PDZRN4: variants seen among roughly 807,000 people sequenced by gnomAD.
PDZRN4 encodes the protein PDZ domain containing ring finger 4, also known as PDZ domain-containing RING finger protein 4.
Under a neutral mutation model 99.0 loss-of-function variants are expected in PDZRN4, and 70 were observed. That is an observed-to-expected ratio of 0.71 (90% confidence interval 0.58 to 0.86). The LOEUF is 0.86. Among genes scored for constraint, PDZRN4 ranks in the 40% least tolerant of loss-of-function variants. The probability of loss-of-function intolerance (pLI) is 0.00; values close to 1 mark genes in which losing one functional copy is unlikely to be tolerated. For synonymous variants in PDZRN4, 551 were observed against 501.6 expected, an observed-to-expected ratio of 1.10 and a Z score of -1.32; for missense variants, 1,474 against 1,331.2, an observed-to-expected ratio of 1.11 and a Z score of -1.67.
intron 3 of PDZRN4, among the ~76,000 whole-genome samples, chr12:41,496,326 A>G (rs1365659109): frequency 6.6e-6 from 1 of 152,084 alleles, no homozygotes; most frequent in East Asian, 1.9e-4. Context: ...GAGGGAAGGA[A>G]GTGTTATGGA....
At chr12:41,288,429 A>G (rs568487632) in intron 3 of PDZRN4, among the ~76,000 whole-genome samples, 30 of 152,246 alleles carry the variant, frequency 2.0e-4, no homozygotes, top group Non-Finnish European at 1.2e-4. Flanking sequence ...AAGTGGCAGT[A>G]TTTCTCAGGT....
intron 3 of PDZRN4, among the ~76,000 whole-genome samples, chr12:41,226,078 G>T (rs1324431832): frequency 1.3e-5 from 2 of 151,368 alleles, no homozygotes; most frequent in Non-Finnish European, 2.9e-5. Flanking sequence ...TGATCATTTG[G>T]TGTCATTTTT....
intron 7 of PDZRN4, among the ~76,000 whole-genome samples, chr12:41,561,318 T>C (rs1319954930): frequency 6.6e-6 from 1 of 152,068 alleles, no homozygotes; most frequent in Admixed American, 6.6e-5. Context: ...TAAATGATGA[T>C]AGTAATAACA....
intron 3 of PDZRN4, among the ~76,000 whole-genome samples, chr12:41,351,580 G>A (rs1174233540): frequency 6.6e-6 from 1 of 151,918 alleles, no homozygotes; most frequent in Non-Finnish European, 1.5e-5. Flanking sequence ...GCCAGAAGGA[G>A]AGAGAGAGAA....
intron 3 of PDZRN4, among the ~76,000 whole-genome samples, chr12:41,256,828 A>G (rs1951207428): frequency 6.6e-6 from 1 of 152,178 alleles, no homozygotes; most frequent in Non-Finnish European, 1.5e-5. Context: ...AGGGAATGGT[A>G]TGTCCATTCA....
chr12:41,534,388 A>G (rs559296584), intron 5 of PDZRN4, among the ~76,000 whole-genome samples: 1 of 151,968 alleles, frequency 6.6e-6, no homozygotes, highest in Admixed American at 6.6e-5. Flanking sequence ...TCAACCCAAT[A>G]CCTAGGTATT....
Position 41,188,351 on chromosome 12 carries a change from T to C in PDZRN4, c.-105T>C, listed in dbSNP as rs1591959660. The C allele has an allele frequency of 1.7e-6, 2 of 1,146,380 alleles. No individual in the cohort carries two copies. Among genetic ancestry groups the C allele is most frequent in the Non-Finnish European group, 2.4e-6 (2 of 841,332 alleles). The allele number at this position is 1,146,380 out of a possible 1,614,324, so 71.0% of individuals were successfully genotyped here. ...CCTCCCACCCGCCACCTCCCTCCACTGCCGCCGCCGCGAGACGGCTGCCCC... is the reference window on the plus strand; with the variant it reads ...CCTCCCACCCGCCACCTCCCTCCACCGCCGCCGCCGCGAGACGGCTGCCCC... On this transcript the variant is annotated 5_prime_UTR_variant, in exon 1 of 10. Transcript: ENST00000402685.
chr12:41,280,833 C>T (rs565611206), intron 3 of PDZRN4, among the ~76,000 whole-genome samples: 3 of 152,122 alleles, frequency 2.0e-5, no homozygotes, highest in African/African-American at 4.8e-5. Context: ...AAGACAGCAG[C>T]GGATCTCCCA....
intron 3 of PDZRN4, among the ~76,000 whole-genome samples, chr12:41,263,328 G>A (rs1295795193): frequency 1.3e-5 from 2 of 152,048 alleles, no homozygotes; most frequent in East Asian, 1.9e-4. Context: ...CGAGGTGGGC[G>A]GATTGCTTGA....
chr12:41,511,311 A>C (rs953294682), intron 5 of PDZRN4, among the ~76,000 whole-genome samples: 21 of 151,976 alleles, frequency 1.4e-4, no homozygotes, highest in Non-Finnish European at 2.2e-4. Flanking sequence ...ATACAGACAG[A>C]TTTCCTTACA....
chr12:41,478,007 A>T (rs1937620406), intron 3 of PDZRN4: 1 of 830,914 alleles, frequency 1.2e-6, no homozygotes, highest in African/African-American at 1.7e-5. Flanking sequence ...ATAAGAGGAC[A>T]AATGTGGCTG....
intron 3 of PDZRN4, among the ~76,000 whole-genome samples, chr12:41,385,758 A>G (rs1047232277): frequency 3.9e-5 from 6 of 152,108 alleles, no homozygotes; most frequent in Admixed American, 3.9e-4. Context: ...AAGAGTTGGT[A>G]CCATCCCTGC....
At chr12:41,378,650 G>A (rs1217504785) in intron 3 of PDZRN4, among the ~76,000 whole-genome samples, 1 of 150,730 alleles carries the variant, frequency 6.6e-6, no homozygotes, top group Admixed American at 6.7e-5. Flanking sequence ...AGCCTCCCAA[G>A]TAGCTGGGAT....
chr12:41,552,641 GTGT>G lies in PDZRN4; in HGVS notation c.1204-10_1204-8del. ...TCTCTGACATAAATGTCATCTGTGT[GTGT>G]TGTTCTTTCAGGAGGTCGAGTTGTG... On this transcript the variant is annotated splice_polypyrimidine_tract_variant and intron_variant, in intron 5 of 9. Coordinates refer to ENST00000402685, the MANE Select transcript of PDZRN4 (RefSeq NM_001164595.2). The G allele has an allele frequency of 3.1e-6, 5 of 1,591,130 alleles. No homozygotes were observed. The highest frequency in any genetic ancestry group is 4.3e-6 in the Non-Finnish European group (5 of 1,159,136).
intron 3 of PDZRN4, among the ~76,000 whole-genome samples, chr12:41,436,621 G>T (rs776749400): frequency 6.6e-6 from 1 of 152,192 alleles, no homozygotes; most frequent in Non-Finnish European, 1.5e-5. Flanking sequence ...AGCAGAGGGT[G>T]TGGATAAGTC....
At chr12:41,222,025 G>A (rs937292340) in intron 3 of PDZRN4, among the ~76,000 whole-genome samples, 3 of 152,188 alleles carry the variant, frequency 2.0e-5, no homozygotes, top group African/African-American at 7.2e-5. Context: ...AGAAACAGAA[G>A]CAGCATTGCA....
chr12:41,287,187 G>T (rs1351320146), intron 3 of PDZRN4, among the ~76,000 whole-genome samples: 2 of 152,150 alleles, frequency 1.3e-5, no homozygotes, highest in Admixed American at 6.5e-5. Context: ...GTAACAGAAA[G>T]ACTAAGTTAG....
At chr12:41,344,212 C>A (rs1207066505) in intron 3 of PDZRN4, among the ~76,000 whole-genome samples, 4 of 151,968 alleles carry the variant, frequency 2.6e-5, no homozygotes, top group East Asian at 1.9e-4. Flanking sequence ...TCAACTTGAC[C>A]TCATTAAATT....
At chr12:41,398,110 A>AT (rs1952263060) in intron 3 of PDZRN4, among the ~76,000 whole-genome samples, 1 of 152,084 alleles carries the variant, frequency 6.6e-6, no homozygotes, top group African/African-American at 2.4e-5. Context: ...TGTTCTGGAA[A>AT]TTTTGCCTGC....
Sources: allele counts gnomAD v4.1 joint callset (sites outside exome capture counted in the v4.1 genomes callset), GRCh38; gene constraint gnomAD v4.1.1; transcripts MANE v1.5; gene names NCBI Gene and HGNC (gene_info 2026-07-23, HGNC 2026-07-21).